FLYWCH2: variants seen among roughly 807,000 people sequenced by gnomAD.
The protein encoded by FLYWCH2 is FLYWCH family member 2.
In FLYWCH2, 2 loss-of-function variants were observed where a neutral mutation model predicts 6.0. The ratio of observed to expected loss-of-function variants is 0.33; its 90% CI spans 0.14 to 1.04. FLYWCH2 has a LOEUF of 1.04. FLYWCH2 is among the 50% of genes least tolerant of loss of function. The pLI is 0.45. For synonymous variants in FLYWCH2, 87 were observed against 79.3 expected, an observed-to-expected ratio of 1.10 and a Z score of -0.52; for missense variants, 192 against 183.4, an observed-to-expected ratio of 1.05 and a Z score of -0.27.
At chr16:2,885,437 T>TA (rs1177879145) in intron 1 of FLYWCH2, among the ~76,000 whole-genome samples, 1 of 152,202 alleles carries the variant, frequency 6.6e-6, no homozygotes, top group African/African-American at 2.4e-5. Flanking sequence ...ATAAAGCACA[T>TA]ACCCACTAGT....
intron 1 of FLYWCH2, among the ~76,000 whole-genome samples, chr16:2,891,460 G>A (rs566925336): frequency 7.2e-5 from 11 of 151,732 alleles, no homozygotes; most frequent in Non-Finnish European, 1.6e-4. Context: ...GCTGGAGTGC[G>A]GTGGCGCGAT....
In FLYWCH2 at chr16:2,889,932, A is replaced by T. The variant is rs192665727; in HGVS notation, c.-199-5288A>T. ...AAACCGTGTCTCTATTAAAAATACG[A>T]TAATTAGCCAGGCGTAGTGGTGCGT... On this transcript the variant is annotated intron_variant, in intron 1 of 3. Transcript: ENST00000396958. Among the ~76,000 whole-genome samples the T allele has an allele frequency of 2.0e-5, 3 of 152,184 alleles. No homozygotes were observed. The East Asian group carries it at 5.8e-4, about 29-fold the overall frequency.
At chr16:2,895,747 C>T (rs918050550) in intron 2 of FLYWCH2, among the ~76,000 whole-genome samples, 3 of 152,258 alleles carry the variant, frequency 2.0e-5, no homozygotes, top group African/African-American at 7.2e-5. Context: ...CTGGCAGGTG[C>T]CTGGCCCATG....
In FLYWCH2 at chr16:2,883,236, CT is replaced by C. The variant is rs2069659425; in HGVS notation, c.-328del. On this transcript the variant is annotated 5_prime_UTR_variant, in exon 1 of 4. Transcript: ENST00000396958. ...AGCCAGAAGACAGGGCACCCGCGGC[CT>C]TGCTGCGCATGCTCGCGCTGTGACC... 6.6e-6 allele frequency: 1 copy of C among 152,296 alleles called. No individual in the cohort carries two copies. Among genetic ancestry groups the C allele is most frequent in the Non-Finnish European group, 1.5e-5 (1 of 68,074 alleles). 9.4% of individuals were successfully genotyped at this position (152,296 alleles called of 1,614,324 possible). A position where few individuals can be genotyped will look rare whatever the true frequency, so the allele number is the denominator to read the frequency against.
At chr16:2,895,905 C>T (rs889227401) in intron 2 of FLYWCH2, among the ~76,000 whole-genome samples, 1 of 152,232 alleles carries the variant, frequency 6.6e-6, no homozygotes, top group African/African-American at 2.4e-5. Flanking sequence ...ATCTCTGCCA[C>T]TCTGTGGCCG....
At chr16:2,888,494 AAAAAAAAAAGCCAGCTGGAATT>A (rs2069723345) in intron 1 of FLYWCH2, among the ~76,000 whole-genome samples, 1 of 151,740 alleles carries the variant, frequency 6.6e-6, no homozygotes. Context: ...CAAAAAAAAA[AAAAAAAAAAGCCAGCTGGAATT>A]AAGAATCTAT....
intron 1 of FLYWCH2, among the ~76,000 whole-genome samples, chr16:2,883,840 C>T (rs1003075741): frequency 6.6e-6 from 1 of 152,200 alleles, no homozygotes; most frequent in Non-Finnish European, 1.5e-5. Flanking sequence ...GCCCAGCCCG[C>T]GTTTGATGCC....
rs79042362 is a variant in FLYWCH2 at position 2,887,988 on chromosome 16, T to C, written c.-200+4622T>C. On this transcript the variant is annotated intron_variant, in intron 1 of 3. Coordinates refer to ENST00000396958, the MANE Select transcript of FLYWCH2 (RefSeq NM_138439.3). ...CTCTCAGTTCTATTCTGTTGATCTC[T>C]GTGTCTGTGTTTTGTTTGTTTGTTT... is the stretch of plus-strand genomic sequence containing the variant. Among the ~76,000 whole-genome samples the C allele has an allele frequency of 3.0e-4, 42 of 138,950 alleles. No individual in the cohort carries two copies. The East Asian group carries it at 7.1e-3, about 24-fold the overall frequency. 91.2% of individuals were successfully genotyped at this position (138,950 alleles called of 152,430 possible). A position where few individuals can be genotyped will look rare whatever the true frequency, so the allele number is the denominator to read the frequency against.
At position 2,896,403 on chromosome 16, in the gene FLYWCH2, C is replaced by T; in HGVS notation, c.-47C>T. On this transcript the variant is annotated 5_prime_UTR_variant, in exon 3 of 4. Transcript: ENST00000396958. ...TTGCCTGGGAGTAGGAGAAATCCAC[C>T]TGCTGGGGGCTGAGTGTGGCCTGAG... is the stretch of plus-strand genomic sequence containing the variant. The T allele has an allele frequency of 7.8e-6, 12 of 1,546,498 alleles. No individual in the cohort carries two copies. Among genetic ancestry groups the T allele is most frequent in the Non-Finnish European group, 1.0e-5 (12 of 1,151,068 alleles).
chr16:2,897,892 T>G (rs1247661858), intron 3 of FLYWCH2, among the ~76,000 whole-genome samples: 1 of 151,138 alleles, frequency 6.6e-6, no homozygotes, highest in Middle Eastern at 3.2e-3. Context: ...TCTTCCCAAC[T>G]GGGAGTGGGC....
chr16:2,885,334 CAA>C (rs765751976), intron 1 of FLYWCH2, among the ~76,000 whole-genome samples: 1 of 40,082 alleles, frequency 2.5e-5, no homozygotes, highest in African/African-American at 9.3e-5. Context: ...CAAAACAAAA[CAA>C]AAAAAAAAAT....
rs1420498369 is a variant in FLYWCH2, at chr16:2,896,465, C to T, written c.16C>T (p.Pro6Ser). The T allele has an allele frequency of 2.5e-6, 4 of 1,612,600 alleles. No individual in the cohort carries two copies. Among genetic ancestry groups the T allele is most frequent in the South Asian group, 1.1e-5 (1 of 91,006 alleles). The change falls in exon 3 of 4, where the codon CCC becomes TCC. Residue 6 changes from proline to serine, a missense_variant. Physicochemically the swap from Pro to Ser is moderately conservative, Grantham distance 74. Transcript: ENST00000396958. MPLPE[P>S]SEQEGESVKA... ...GGGTCCCGGGATGCCCCTGCCCGAGCCCAGCGAGCAGGAGGGTGAGAGTGT... is the reference window on the plus strand; with the variant it reads ...GGGTCCCGGGATGCCCCTGCCCGAGTCCAGCGAGCAGGAGGGTGAGAGTGT...
intron 3 of FLYWCH2, among the ~76,000 whole-genome samples, chr16:2,898,382 C>T (rs1418183350): frequency 1.3e-5 from 2 of 152,200 alleles, no homozygotes; most frequent in African/African-American, 2.4e-5. Flanking sequence ...TGCCTGTCCC[C>T]CTGGCTTCTC....
intron 2 of FLYWCH2, among the ~76,000 whole-genome samples, 151 bp downstream of exon 2, chr16:2,895,471 G>A (rs1310207775): frequency 1.3e-5 from 2 of 152,268 alleles, no homozygotes; most frequent in Non-Finnish European, 2.9e-5. Context: ...AAAATTAGCC[G>A]GGCGTGGTGG....
intron 1 of FLYWCH2, among the ~76,000 whole-genome samples, chr16:2,889,209 C>CTT (rs1329641985): frequency 2.2e-4 from 28 of 126,368 alleles, no homozygotes; most frequent in African/African-American, 3.7e-4. Flanking sequence ...CTAACCTTTA[C>CTT]TTTTTTTTTT....
intron 1 of FLYWCH2, among the ~76,000 whole-genome samples, chr16:2,893,164 T>G (rs999493869): frequency 6.6e-6 from 1 of 152,016 alleles, no homozygotes; most frequent in Middle Eastern, 3.2e-3. Flanking sequence ...TGGGTTTTTA[T>G]GGAGGCTTCA....
rs369626075 is a variant in FLYWCH2 at position 2,899,096 on chromosome 16, G to T, written c.370G>T (p.Ala124Ser). The change falls in exon 4 of 4, where the codon GCT becomes TCT. Residue 124 changes from alanine (A) to serine (S), a missense_variant. Ala to Ser is a moderately conservative substitution (Grantham distance 99, BLOSUM62 1). Transcript: ENST00000396958. ...TGGATTAGCAGCGGGGCCTCCTGAGGCTGCTGGGGAGAACTTTGCCCCCTG... is the reference window on the plus strand; with the variant it reads ...TGGATTAGCAGCGGGGCCTCCTGAGTCTGCTGGGGAGAACTTTGCCCCCTG... ...DSGLAAGPPE[A>S]AGENFAPCSV... 1.2e-6 allele frequency: 2 copies of T among 1,613,596 alleles called. No homozygotes were observed. Among genetic ancestry groups the T allele is most frequent in the African/African-American group, 2.7e-5 (2 of 74,852 alleles).
chr16:2,888,257 A>G (rs1202170471), intron 1 of FLYWCH2, among the ~76,000 whole-genome samples: 1 of 151,748 alleles, frequency 6.6e-6, no homozygotes, highest in East Asian at 1.9e-4. Flanking sequence ...CAATCCACCC[A>G]CCTTGGCCTC....
chr16:2,886,191 T>A (rs1165089417), intron 1 of FLYWCH2, among the ~76,000 whole-genome samples: 5 of 151,872 alleles, frequency 3.3e-5, no homozygotes, highest in East Asian at 1.9e-4. Context: ...GTTATTATTT[T>A]TTTTTTTTAG....
Sources: allele counts gnomAD v4.1 joint callset (sites outside exome capture counted in the v4.1 genomes callset), GRCh38; gene constraint gnomAD v4.1.1; transcripts MANE v1.5; gene names NCBI Gene and HGNC (gene_info 2026-07-23, HGNC 2026-07-21).